The following ASAP1 variants were observed in gnomAD, a reference collection of about 807,000 sequenced individuals.
ASAP1 encodes ArfGAP with SH3 domain, ankyrin repeat and PH domain 1.
Under a neutral mutation model 145.2 loss-of-function variants are expected in ASAP1, and 43 were observed. The observed-to-expected ratio is 0.30, with a 90% CI of 0.23 to 0.38. The LOEUF is 0.38. Ranked by LOEUF, ASAP1 falls within the 10% of genes least tolerant of loss-of-function variation. The pLI is 1.00. For missense variants in ASAP1, 1,018 were observed against 1,355.3 expected (o/e 0.75, Z 3.91); for synonymous variants, 546 against 515.5 (o/e 1.06, Z -0.80).
chr8:130,173,275 A>T (rs957771944), intron 9 of ASAP1, among the ~76,000 whole-genome samples: 5 of 152,216 alleles, frequency 3.3e-5, no homozygotes, highest in Non-Finnish European at 5.9e-5. Context: ...GTGACACCAT[A>T]AAAAGCAAAG....
intron 3 of ASAP1, among the ~76,000 whole-genome samples, chr8:130,313,410 T>C (rs1823475815): frequency 6.6e-6 from 1 of 152,200 alleles, no homozygotes; most frequent in Non-Finnish European, 1.5e-5. Flanking sequence ...CCAAATCTCT[T>C]ACCTTAGAAA....
rs568473911 is a variant in ASAP1 at position 130,233,750 on chromosome 8, T to C, written c.259+3172A>G. 5.3e-5 allele frequency among the ~76,000 whole-genome samples: 8 copies of C among 152,290 alleles called. No individual in the cohort carries two copies. The East Asian group carries it at 1.3e-3, about 26-fold the overall frequency. ...TAACATTTATCTCTCCCCTACTGGA[T>C]TGTAAAATTCATGAAGGCAGAGACT... On this transcript the variant is annotated intron_variant, in intron 4 of 29. Transcript: ENST00000518721.
At chr8:130,368,511 T>A (rs1246009705) in intron 2 of ASAP1, among the ~76,000 whole-genome samples, 1 of 152,202 alleles carries the variant, frequency 6.6e-6, no homozygotes, top group Non-Finnish European at 1.5e-5. Context: ...GTCTCTACTT[T>A]CCCAACTAAA....
At chr8:130,241,988 G>A (rs1236899929) in intron 3 of ASAP1, among the ~76,000 whole-genome samples, 1 of 151,960 alleles carries the variant, frequency 6.6e-6, no homozygotes, top group Non-Finnish European at 1.5e-5. Context: ...TACAGAGGCA[G>A]GAAATAGTAC....
intron 4 of ASAP1, among the ~76,000 whole-genome samples, chr8:130,215,418 C>T (rs191063227): frequency 7.9e-5 from 12 of 151,934 alleles, no homozygotes; most frequent in East Asian, 2.0e-4. Context: ...GGCAACATGG[C>T]GAGACCCCGT....
At chr8:130,303,874 C>A (rs1362200809) in intron 3 of ASAP1, among the ~76,000 whole-genome samples, 1 of 152,048 alleles carries the variant, frequency 6.6e-6, no homozygotes, top group African/African-American at 2.4e-5. Context: ...TTTGTCAAAT[C>A]CCTAGAATGT....
At chr8:130,080,421 T>C (rs1355303439) in intron 25 of ASAP1, among the ~76,000 whole-genome samples, 6 of 151,566 alleles carry the variant, frequency 4.0e-5, no homozygotes, top group Non-Finnish European at 5.9e-5. Flanking sequence ...GGTGGATAAG[T>C]GGTCATCTGT....
In ASAP1 at chr8:130,167,809, T is replaced by C. The variant is rs561545833; in HGVS notation, c.823-187A>G. Among the ~76,000 whole-genome samples, 6 of 152,330 alleles carry C rather than the reference T, an allele frequency of 3.9e-5. No homozygotes were observed. The East Asian group carries it at 1.2e-3, about 29-fold the overall frequency. On this transcript the variant is annotated intron_variant, in intron 10 of 29. Coordinates refer to ENST00000518721, the MANE Select transcript of ASAP1 (RefSeq NM_018482.4). The stretch of plus-strand genomic sequence containing the variant: ...TAAAAGCAGCAGTGGGTTTTGAAAT[T>C]AGTGAATAATGCAACATGCATTCTT...
chr8:130,410,219 A>G (rs778678233), intron 1 of ASAP1, among the ~76,000 whole-genome samples: 3 of 152,240 alleles, frequency 2.0e-5, no homozygotes, highest in Non-Finnish European at 4.4e-5. Flanking sequence ...TTAAGGAATA[A>G]GACCTTCGTC....
intron 15 of ASAP1, among the ~76,000 whole-genome samples, chr8:130,133,017 G>A (rs1191701756): frequency 6.6e-6 from 1 of 152,178 alleles, no homozygotes; most frequent in Middle Eastern, 3.4e-3. Context: ...AGGCAAAAAG[G>A]GTATGAGCAG....
chr8:130,230,796 G>C (rs1018212295), intron 4 of ASAP1, among the ~76,000 whole-genome samples: 7 of 152,088 alleles, frequency 4.6e-5, no homozygotes, highest in Non-Finnish European at 1.0e-4. Flanking sequence ...AAATTTCCTA[G>C]AGACAAGCTG....
At chr8:130,415,884 T>A (rs1470857246) in intron 1 of ASAP1, among the ~76,000 whole-genome samples, 1 of 152,058 alleles carries the variant, frequency 6.6e-6, no homozygotes. Context: ...CCTGACAAAG[T>A]CCTGTGACCA....
At chr8:130,324,444 T>A (rs916612427) in intron 3 of ASAP1, among the ~76,000 whole-genome samples, 1 of 152,114 alleles carries the variant, frequency 6.6e-6, no homozygotes, top group African/African-American at 2.4e-5. Flanking sequence ...AAGTAATTTT[T>A]TAAAAGGTTT....
At chr8:130,392,921 A>C (rs1286739724) in intron 2 of ASAP1, among the ~76,000 whole-genome samples, 1 of 152,132 alleles carries the variant, frequency 6.6e-6, no homozygotes, top group Non-Finnish European at 1.5e-5. Context: ...CCACCTTCAA[A>C]ATTGGGGATC....
At chr8:130,373,184 A>G (rs117447475) in intron 2 of ASAP1, among the ~76,000 whole-genome samples, 4,020 of 135,848 alleles carry the variant, frequency 0.03, 65 homozygotes, top group African/African-American at 0.065. Flanking sequence ...AAGAGCCAGA[A>G]AAAAAAAAAA....
intron 4 of ASAP1, among the ~76,000 whole-genome samples, chr8:130,222,682 GTAA>G (rs956697128): frequency 1.3e-5 from 2 of 152,140 alleles, no homozygotes; most frequent in Non-Finnish European, 2.9e-5. Context: ...TATTGACAAA[GTAA>G]TAATAATAAT....
chr8:130,357,645 T>A (rs1826407295), intron 3 of ASAP1, among the ~76,000 whole-genome samples: 1 of 152,194 alleles, frequency 6.6e-6, no homozygotes, highest in African/African-American at 2.4e-5. Flanking sequence ...GCTGCACTAC[T>A]TCGCCTCTGG....
chr8:130,067,804 G>A (rs553301366), intron 27 of ASAP1, among the ~76,000 whole-genome samples: 19 of 152,294 alleles, frequency 1.2e-4, no homozygotes, highest in African/African-American at 4.3e-4. Flanking sequence ...AGCACACTGC[G>A]GCATGTTGTG....
intron 11 of ASAP1, among the ~76,000 whole-genome samples, chr8:130,163,985 T>C (rs962658486): frequency 2.6e-5 from 4 of 152,208 alleles, no homozygotes; most frequent in African/African-American, 9.6e-5. Context: ...AATGGGGCTA[T>C]AAATGTTTCT....
Sources: allele counts gnomAD v4.1 joint callset (sites outside exome capture counted in the v4.1 genomes callset), GRCh38; gene constraint gnomAD v4.1.1; transcripts MANE v1.5; gene names NCBI Gene and HGNC (gene_info 2026-07-23, HGNC 2026-07-21).